CA1: variants seen among roughly 807,000 people sequenced by gnomAD.
The protein encoded by CA1 is carbonic anhydrase 1, also known as carbonate dehydratase I.
Under a neutral mutation model 28.8 loss-of-function variants are expected in CA1, and 27 were observed. That is an observed-to-expected ratio of 0.94 (90% CI 0.69 to 1.29). The LOEUF (loss-of-function observed/expected upper bound fraction) is 1.29, where lower values mean the gene tolerates loss of function less well. Among genes scored for constraint, CA1 ranks in the 50% most tolerant of loss-of-function variants. The pLI is 0.00. For missense variants in CA1, 335 were observed against 310.5 expected, an observed-to-expected ratio of 1.08 and a Z score of -0.59; for synonymous variants, 121 against 108.8, an observed-to-expected ratio of 1.11 and a Z score of -0.70.
intron 3 of CA1, among the ~76,000 whole-genome samples, chr8:85,337,499 G>A (rs1808711484): frequency 6.6e-6 from 1 of 152,148 alleles, no homozygotes; most frequent in Non-Finnish European, 1.5e-5. Flanking sequence ...TGTAACTGAT[G>A]AAGACACAAA....
intron 1 of CA1, among the ~76,000 whole-genome samples, chr8:85,352,217 G>T (rs760853401): frequency 6.6e-6 from 1 of 152,150 alleles, no homozygotes; most frequent in Non-Finnish European, 1.5e-5. Context: ...AATGATCCAT[G>T]GCTTCTTAGG....
At chr8:85,346,181 C>A (rs1809176481) in intron 1 of CA1, among the ~76,000 whole-genome samples, 1 of 152,096 alleles carries the variant, frequency 6.6e-6, no homozygotes, top group South Asian at 2.1e-4. Context: ...ATCTCATTGA[C>A]TGTCATGCTA....
intron 6 of CA1, 66 bp from the exon 7 acceptor site, chr8:85,329,910 AT>A: frequency 1.6e-6 from 2 of 1,215,668 alleles, no homozygotes; most frequent in Non-Finnish European, 2.4e-6. Flanking sequence ...TGTGACATAT[AT>A]ATGCTATATT....
Position 85,338,454 on chromosome 8 carries a change from C to G in CA1, c.38-5G>C. 3.1e-6 allele frequency: 5 copies of G among 1,612,186 alleles called. No homozygotes were observed. Among genetic ancestry groups the G allele is most frequent in the Non-Finnish European group, 3.4e-6 (4 of 1,178,372 alleles). On this transcript the variant is annotated splice_region_variant and splice_polypyrimidine_tract_variant and intron_variant, in intron 2 of 7. Coordinates refer to ENST00000523022, the MANE Select transcript of CA1 (RefSeq NM_001128831.4). Reference sequence around the variant, plus strand: ...GCTTGCTCCATTGTTCAGGACCTACCAGGACAAACACGTGTAAAATCAATG... The same window carrying G: ...GCTTGCTCCATTGTTCAGGACCTACGAGGACAAACACGTGTAAAATCAATG...
intron 1 of CA1, among the ~76,000 whole-genome samples, chr8:85,364,020 A>T (rs1199093598): frequency 1.3e-5 from 2 of 151,038 alleles, no homozygotes; most frequent in African/African-American, 2.4e-5. Context: ...ATTTTTTTTT[A>T]AATAGAGACA....
chr8:85,363,623 C>T (rs1809887039), intron 1 of CA1, among the ~76,000 whole-genome samples: 1 of 152,176 alleles, frequency 6.6e-6, no homozygotes, highest in African/African-American at 2.4e-5. Context: ...TAAATGCTGC[C>T]AATTCTATCT....
chr8:85,374,007 G>A (rs993157224), intron 1 of CA1, among the ~76,000 whole-genome samples: 6 of 152,102 alleles, frequency 3.9e-5, no homozygotes, highest in Admixed American at 6.6e-5. Context: ...GATGATGCGC[G>A]ATGGGGGTTG....
chr8:85,328,906 TTTAA>T (rs1366447161), intron 7 of CA1, among the ~76,000 whole-genome samples: 5 of 147,740 alleles, frequency 3.4e-5, no homozygotes, highest in Non-Finnish European at 7.4e-5. Context: ...ATAAAGCAAA[TTTAA>T]TTATTTGCTT....
chr8:85,370,717 A>G (rs895386154), intron 1 of CA1, among the ~76,000 whole-genome samples: 5 of 152,146 alleles, frequency 3.3e-5, no homozygotes, highest in African/African-American at 1.2e-4. Context: ...ACTACTTTAA[A>G]TTTATGTCTT....
At chr8:85,339,241 G>C (rs533970204) in intron 2 of CA1, among the ~76,000 whole-genome samples, 22 of 152,122 alleles carry the variant, frequency 1.4e-4, no homozygotes, top group African/African-American at 4.6e-4. Context: ...GCTTATTAGG[G>C]GCATATTTTC....
chr8:85,341,021 T>G (rs910685662), intron 2 of CA1: 5 of 153,212 alleles, frequency 3.3e-5, no homozygotes, highest in Non-Finnish European at 7.3e-5. Context: ...GGTGGGCACC[T>G]GTAGTCCCAG....
chr8:85,349,753 G>A (rs1809335040), intron 1 of CA1: 1 of 152,174 alleles, frequency 6.6e-6, no homozygotes, highest in African/African-American at 2.4e-5. Flanking sequence ...TGTGATTTAT[G>A]CTTCCTGATT....
chr8:85,343,595 A>G (rs967416292), intron 1 of CA1, among the ~76,000 whole-genome samples: 3 of 152,196 alleles, frequency 2.0e-5, no homozygotes, highest in African/African-American at 7.2e-5. Flanking sequence ...TATACTTTGT[A>G]AAAAGCAACT....
chr8:85,338,828 G>A (rs1177439143), intron 2 of CA1, among the ~76,000 whole-genome samples: 4 of 150,078 alleles, frequency 2.7e-5, no homozygotes, highest in Admixed American at 6.7e-5. Flanking sequence ...ATTCTCATGC[G>A]TGAGCTTCCC....
At chr8:85,338,716 C>CTCT (rs1564025288) in intron 2 of CA1, among the ~76,000 whole-genome samples, 1 of 114,348 alleles carries the variant, frequency 8.7e-6, no homozygotes, top group Admixed American at 9.4e-5. Context: ...CTTTCTCTCT[C>CTCT]TTTTTTTTTT....
chr8:85,351,689 T>C (rs1456841318), intron 1 of CA1: 1 of 152,224 alleles, frequency 6.6e-6, no homozygotes, highest in East Asian at 1.9e-4. Flanking sequence ...AAGCAACTGA[T>C]TTACTGATTT....
intron 1 of CA1, among the ~76,000 whole-genome samples, chr8:85,353,413 T>C (rs1809483406): frequency 1.3e-5 from 2 of 152,232 alleles, no homozygotes; most frequent in South Asian, 4.1e-4. Flanking sequence ...AAAACCAAAG[T>C]TATCAATTTA....
intron 1 of CA1, among the ~76,000 whole-genome samples, chr8:85,363,025 T>C (rs1406356593): frequency 6.6e-6 from 1 of 152,224 alleles, no homozygotes. Flanking sequence ...TGAGTTTTAT[T>C]TTATAAGGGC....
At chr8:85,346,067 A>G (rs1328495643) in intron 1 of CA1, among the ~76,000 whole-genome samples, 1 of 152,188 alleles carries the variant, frequency 6.6e-6, no homozygotes, top group Non-Finnish European at 1.5e-5. Flanking sequence ...TTTTTTATTA[A>G]CAACCAAGTC....
Sources: allele counts gnomAD v4.1 joint callset (sites outside exome capture counted in the v4.1 genomes callset), GRCh38; gene constraint gnomAD v4.1.1; transcripts MANE v1.5; gene names NCBI Gene and HGNC (gene_info 2026-07-23, HGNC 2026-07-21).